IARS1: variants seen among roughly 807,000 people sequenced by gnomAD.
IARS1 encodes the protein isoleucine--tRNA ligase, cytoplasmic.
IARS1 carries 124 observed loss-of-function variants against 168.2 expected under a neutral mutation model. The observed-to-expected ratio is 0.74, with a 90% CI of 0.64 to 0.86. The LOEUF (loss-of-function observed/expected upper bound fraction) is 0.86. Ranked by LOEUF, IARS1 falls within the 40% of genes least tolerant of loss-of-function variation. The pLI is 0.00. For synonymous variants in IARS1, 532 were observed against 529.4 expected, an observed-to-expected ratio of 1.00 and a Z score of -0.07; for missense variants, 1,452 against 1,515.8, an observed-to-expected ratio of 0.96 and a Z score of 0.70.
intron 9 of IARS1, among the ~76,000 whole-genome samples, chr9:92,275,547 C>G (rs988907371): frequency 6.6e-6 from 1 of 152,138 alleles, no homozygotes; most frequent in African/African-American, 2.4e-5. Flanking sequence ...GCTAAAACTT[C>G]GATAGTTTAA....
intron 20 of IARS1, 114 bp downstream of exon 20, chr9:92,256,566 G>A (rs1830749177): frequency 1.8e-6 from 2 of 1,111,692 alleles, no homozygotes; most frequent in East Asian, 4.9e-5. Context: ...GAGGTAAAAG[G>A]AAACAATTAT....
chr9:92,258,734 A>AG (rs750741202), intron 19 of IARS1, 120 bp downstream of exon 19: 40 of 1,029,938 alleles, frequency 3.9e-5, no homozygotes, highest in Non-Finnish European at 5.3e-5. Flanking sequence ...AAGTTACCCC[A>AG]GCATCAGGCA....
chr9:92,293,275 G>A (rs963258775), intron 1 of IARS1, among the ~76,000 whole-genome samples: 4 of 152,058 alleles, frequency 2.6e-5, no homozygotes, highest in African/African-American at 4.8e-5. Context: ...TATTCATGGT[G>A]ACTGAAGTAA....
intron 4 of IARS1, 114 bp from the exon 5 acceptor site, chr9:92,286,732 C>CA: frequency 3.4e-6 from 2 of 591,182 alleles, no homozygotes; most frequent in Non-Finnish European, 6.0e-6. Context: ...ACAGAATAAT[C>CA]AATGGTACAA....
At position 92,242,086 on chromosome 9, in the gene IARS1, C is replaced by T. The variant is rs574789584; in HGVS notation, c.3177+68G>A. ...TCTACTGTGGGACAGAATATCAACACGTGAGTACACAAAGTCAAACCTAAT... is the reference window on the plus strand; with the variant it reads ...TCTACTGTGGGACAGAATATCAACATGTGAGTACACAAAGTCAAACCTAAT... On this transcript the variant is annotated intron_variant, in intron 29 of 33. Transcript: ENST00000443024. 2.8e-4 allele frequency: 337 copies of T among 1,196,416 alleles called. 1 individual carries two copies. In the South Asian group the frequency reaches 4.2e-3, roughly 15 times the overall value. The allele number at this position is 1,196,416 out of a possible 1,614,324, so 74.1% of individuals were successfully genotyped here.
intron 6 of IARS1, among the ~76,000 whole-genome samples, chr9:92,282,164 G>A (rs1204271811): frequency 2.0e-5 from 3 of 152,126 alleles, no homozygotes; most frequent in Admixed American, 2.0e-4. Flanking sequence ...CTCTCAAAGG[G>A]TACTGTGCCC....
At chr9:92,248,133 G>A (rs1829490591) in intron 25 of IARS1, among the ~76,000 whole-genome samples, 1 of 152,118 alleles carries the variant, frequency 6.6e-6, no homozygotes, top group Non-Finnish European at 1.5e-5. Flanking sequence ...ATCCCTCAGA[G>A]GTAACCTTTG....
chr9:92,236,345 T>G (rs1269171583), intron 30 of IARS1, among the ~76,000 whole-genome samples: 1 of 152,138 alleles, frequency 6.6e-6, no homozygotes. Context: ...CCACATAAAA[T>G]GAGTGAAATG....
In IARS1 at chr9:92,280,907, A is replaced by C. The variant is rs1834452710; in HGVS notation, c.598-14T>G. 3 of 1,591,564 alleles carry C rather than the reference A, an allele frequency of 1.9e-6. No homozygotes were observed. Among genetic ancestry groups the C allele is most frequent in the Non-Finnish European group, 2.6e-6 (3 of 1,162,606 alleles). On this transcript the variant is annotated splice_polypyrimidine_tract_variant and intron_variant, in intron 6 of 33. Coordinates refer to ENST00000443024, the MANE Select transcript of IARS1 (RefSeq NM_002161.6). ...ATCTTGAACATCCTGAAATAAATTG[A>C]GGTAAAGTATTGTTTTAGAAATCCA...
At chr9:92,258,059 C>A (rs554483547) in intron 19 of IARS1, among the ~76,000 whole-genome samples, 4 of 152,300 alleles carry the variant, frequency 2.6e-5, no homozygotes, top group Middle Eastern at 3.4e-3. Context: ...ACCCTAACAA[C>A]CCACTGAAAA....
chr9:92,217,684 T>C (rs1306810807), intron 33 of IARS1, among the ~76,000 whole-genome samples: 1 of 152,076 alleles, frequency 6.6e-6, no homozygotes, highest in East Asian at 1.9e-4. Flanking sequence ...AAGAAATGGA[T>C]AAATTCCTCG....
chr9:92,280,957 G>T, intron 6 of IARS1, 64 bp from the exon 7 acceptor site: 1 of 1,100,292 alleles, frequency 9.1e-7, no homozygotes, highest in Non-Finnish European at 1.3e-6. Context: ...TAAGAAAAAG[G>T]AACTACTCCT....
chr9:92,242,992 T>A (rs750840406), intron 28 of IARS1: 1 of 438,150 alleles, frequency 2.3e-6, no homozygotes, highest in African/African-American at 2.0e-5. Flanking sequence ...AAAAAAAGGA[T>A]GGGAAAAGGC....
intron 33 of IARS1, among the ~76,000 whole-genome samples, chr9:92,213,968 T>C (rs1038458102): frequency 1.3e-5 from 2 of 151,982 alleles, no homozygotes; most frequent in East Asian, 3.9e-4. Flanking sequence ...TGTGCCACCA[T>C]GTCCAGCTAA....
intron 17 of IARS1, among the ~76,000 whole-genome samples, chr9:92,261,317 GA>G (rs71362375): frequency 6.0e-5 from 9 of 149,446 alleles, no homozygotes; most frequent in Admixed American, 1.3e-4. Flanking sequence ...TCAAAAAAAA[GA>G]AAAAAAAAGC....
chr9:92,250,875 C>A, intron 22 of IARS1, 41 bp from the exon 23 acceptor site: 1 of 1,560,494 alleles, frequency 6.4e-7, no homozygotes, highest in South Asian at 1.2e-5. Flanking sequence ...TATATGCAGT[C>A]ATCAACAACT....
At position 92,252,435 on chromosome 9, in the gene IARS1, T is replaced by G. The variant is rs200271944; in HGVS notation, c.2230-550A>C. 1,733 of 508,886 alleles carry G rather than the reference T, an allele frequency of 3.4e-3. 6 individuals carry two copies. Among genetic ancestry groups the G allele is most frequent in the Non-Finnish European group, 5.2e-3 (1,334 of 254,612 alleles). The allele number at this position is 508,886 out of a possible 1,614,324, so 31.5% of individuals were successfully genotyped here. On this transcript the variant is annotated intron_variant, in intron 21 of 33. Transcript: ENST00000443024. ...GAGATACATCTGCACAAAAATGAAA[T>G]TACAGTTGTGTTGCAGGCTTTTATT... is the stretch of plus-strand genomic sequence containing the variant.
intron 30 of IARS1, among the ~76,000 whole-genome samples, chr9:92,239,286 C>T (rs1828005422): frequency 1.3e-5 from 2 of 152,220 alleles, no homozygotes; most frequent in Admixed American, 1.3e-4. Flanking sequence ...CTTTATTTTC[C>T]CATCATCCTG....
intron 30 of IARS1, among the ~76,000 whole-genome samples, chr9:92,237,353 T>C (rs1224074081): frequency 1.3e-5 from 2 of 152,236 alleles, no homozygotes; most frequent in South Asian, 4.1e-4. Context: ...TTCATTATTA[T>C]ATTACTAATT....
Sources: allele counts gnomAD v4.1 joint callset (sites outside exome capture counted in the v4.1 genomes callset), GRCh38; gene constraint gnomAD v4.1.1; transcripts MANE v1.5; gene names NCBI Gene and HGNC (gene_info 2026-07-23, HGNC 2026-07-21).